Variants in APBB1IP observed in about 807,000 individuals in gnomAD.
APBB1IP encodes amyloid beta A4 precursor protein-binding family B member 1-interacting protein.
In APBB1IP, 27 loss-of-function variants were observed where a neutral mutation model predicts 64.9. The observed-to-expected ratio is 0.42, with a 90% CI of 0.31 to 0.57. The LOEUF (loss-of-function observed/expected upper bound fraction) is 0.57. Among genes scored for constraint, APBB1IP ranks in the 20% least tolerant of loss-of-function variants. The probability of loss-of-function intolerance (pLI) is 0.20; values close to 1 mark genes in which losing one functional copy is unlikely to be tolerated. For missense variants in APBB1IP, 812 were observed against 845.5 expected (o/e 0.96, Z 0.49); for synonymous variants, 392 against 331.0 (o/e 1.18, Z -2.00).
intron 8 of APBB1IP, among the ~76,000 whole-genome samples, chr10:26,525,231 G>A (rs1395382322): frequency 6.6e-6 from 1 of 151,952 alleles, no homozygotes; most frequent in African/African-American, 2.4e-5. Flanking sequence ...GCAGTGGGCC[G>A]TGATCATGCC....
chr10:26,566,993 C>A lies in APBB1IP; in HGVS notation c.1506C>A (p.Asp502Glu), dbSNP rs763639873. 3.2e-6 allele frequency: 5 copies of A among 1,580,828 alleles called. No individual in the cohort carries two copies. In the East Asian group the frequency reaches 1.2e-4, roughly 37 times the overall value. Residue 502 changes from aspartate to glutamate, a missense_variant, in exon 15 of 15, where the codon GAC (aspartate) becomes GAA (glutamate). By Grantham distance (45) the Asp-to-Glu change is conservative. Around this residue, in one of 3 missense-constraint regions of APBB1IP, gnomAD observed 381 missense variants for 352.1 expected, o/e 1.08. Transcript: ENST00000376236. ...DKKPALGNHH[D>E]PAVPRAPHAP... ...AGCCAGCCCTCGGGAACCACCACGACCCGGCAGTGCCCCGGGCCCCGCACG... is the reference window on the plus strand; with the variant it reads ...AGCCAGCCCTCGGGAACCACCACGAACCGGCAGTGCCCCGGGCCCCGCACG...
chr10:26,532,877 G>T (rs1836571826), intron 8 of APBB1IP, among the ~76,000 whole-genome samples: 1 of 152,188 alleles, frequency 6.6e-6, no homozygotes, highest in Non-Finnish European at 1.5e-5. Flanking sequence ...GTCCTTGGAA[G>T]TTGCTAAATA....
chr10:26,452,514 A>G (rs1029846383), intron 2 of APBB1IP, among the ~76,000 whole-genome samples: 2 of 152,240 alleles, frequency 1.3e-5, no homozygotes, highest in African/African-American at 4.8e-5. Context: ...TCAGAAGACA[A>G]TGTAGTTATC....
intron 8 of APBB1IP, among the ~76,000 whole-genome samples, chr10:26,524,955 C>CTTTCTTTTTTTTTTTTTTTTTCTTT (rs747655095): frequency 1.4e-5 from 1 of 73,972 alleles, no homozygotes; most frequent in Non-Finnish European, 2.6e-5. Context: ...TTCTTTCTTT[C>CTTTCTTTTTTTTTTTTTTTTTCTTT]TTTTTTTTTT....
rs78703287 is a variant in APBB1IP at position 26,472,337 on chromosome 10, G to A, written c.1-19990G>A. ...GCCTGGAGCCATGAAAGTGGCTTTG[G>A]AATAATGCCCAATAATAGAAAGGAA... On this transcript the variant is annotated intron_variant, in intron 2 of 14. Coordinates refer to ENST00000376236, the MANE Select transcript of APBB1IP (RefSeq NM_019043.4). 9.3e-3 allele frequency among the ~76,000 whole-genome samples: 1,423 copies of A among 152,252 alleles called. 9 individuals are homozygous for A. The highest frequency in any genetic ancestry group is 0.016 in the Non-Finnish European group (1,061 of 68,000).
intron 8 of APBB1IP, among the ~76,000 whole-genome samples, chr10:26,532,078 A>C (rs1836561840): frequency 6.6e-6 from 1 of 152,236 alleles, no homozygotes; most frequent in African/African-American, 2.4e-5. Flanking sequence ...GCATTGTATC[A>C]AGTTTCAAGG....
intron 8 of APBB1IP, among the ~76,000 whole-genome samples, chr10:26,525,619 A>C (rs1164971767): frequency 2.6e-5 from 4 of 152,204 alleles, no homozygotes; most frequent in Non-Finnish European, 5.9e-5. Context: ...AAAATCAGTG[A>C]CATTGCCTGT....
chr10:26,455,536 T>G (rs542015858), intron 2 of APBB1IP, among the ~76,000 whole-genome samples: 29 of 151,256 alleles, frequency 1.9e-4, no homozygotes, highest in East Asian at 1.7e-3. Flanking sequence ...AGAATAATAA[T>G]AATAAGAAGA....
intron 8 of APBB1IP, among the ~76,000 whole-genome samples, chr10:26,533,230 C>T (rs1457169927): frequency 6.6e-6 from 1 of 152,184 alleles, no homozygotes; most frequent in Non-Finnish European, 1.5e-5. Context: ...ATTGTGTACA[C>T]TATGGGAGGA....
intron 2 of APBB1IP, among the ~76,000 whole-genome samples, chr10:26,473,434 G>T (rs2132416606): frequency 6.6e-6 from 1 of 152,306 alleles, no homozygotes; most frequent in Non-Finnish European, 1.5e-5. Context: ...TCTCTAAATG[G>T]TATAATAACT....
chr10:26,463,458 G>A (rs1313567616), intron 2 of APBB1IP, among the ~76,000 whole-genome samples: 1 of 152,054 alleles, frequency 6.6e-6, no homozygotes, highest in Non-Finnish European at 1.5e-5. Context: ...TTAAAAAAAT[G>A]TAAAACTTCA....
rs772305627 is a variant in APBB1IP at position 26,536,177 on chromosome 10, G to A, written c.1004G>A (p.Arg335Gln). ...KSWKRRYFLL[R>Q]ASGIYYVPKG... Reference sequence around the variant, plus strand: ...TGGAAAAGGCGCTATTTTCTTTTACGGGCTTCTGGAATTTATTATGTACCC... The same window carrying A: ...TGGAAAAGGCGCTATTTTCTTTTACAGGCTTCTGGAATTTATTATGTACCC... The change falls in exon 10 of 15, where the codon CGG (arginine) becomes CAG (glutamine). Residue 335 changes from arginine (R) to glutamine (Q), a missense_variant. Arg to Gln is a conservative substitution (Grantham distance 43). Coordinates refer to ENST00000376236, the MANE Select transcript of APBB1IP (RefSeq NM_019043.4). 1.9e-6 allele frequency: 3 copies of A among 1,605,580 alleles called. No individual in the cohort carries two copies. Among genetic ancestry groups the A allele is most frequent in the South Asian group, 1.1e-5 (1 of 89,202 alleles).
chr10:26,519,322 G>C (rs563675734), intron 8 of APBB1IP, among the ~76,000 whole-genome samples: 1 of 152,226 alleles, frequency 6.6e-6, no homozygotes, highest in African/African-American at 2.4e-5. Context: ...GGTTTAATGG[G>C]CTCATGGTTC....
chr10:26,462,924 A>C (rs902717101), intron 2 of APBB1IP, among the ~76,000 whole-genome samples: 2 of 152,198 alleles, frequency 1.3e-5, no homozygotes, highest in African/African-American at 4.8e-5. Context: ...TTAGAATGAC[A>C]TAGAAGGTGG....
At chr10:26,503,531 A>T (rs897805155) in intron 6 of APBB1IP, among the ~76,000 whole-genome samples, 1 of 152,114 alleles carries the variant, frequency 6.6e-6, no homozygotes, top group Non-Finnish European at 1.5e-5. Context: ...GCTACTCGGG[A>T]GGCTGAGGAA....
chr10:26,489,243 T>C (rs1444540463), intron 2 of APBB1IP, among the ~76,000 whole-genome samples: 1 of 152,198 alleles, frequency 6.6e-6, no homozygotes, highest in East Asian at 1.9e-4. Context: ...TTTGTGTTTC[T>C]CAAGAGGGAG....
At chr10:26,472,305 G>A (rs939076704) in intron 2 of APBB1IP, among the ~76,000 whole-genome samples, 1 of 152,316 alleles carries the variant, frequency 6.6e-6, no homozygotes, top group South Asian at 2.1e-4. Flanking sequence ...GCATCCACAG[G>A]AAAGAGGCCT....
chr10:26,440,416 C>T (rs7919155), intron 2 of APBB1IP, among the ~76,000 whole-genome samples: 58,866 of 151,778 alleles, frequency 0.39, 11,587 homozygotes, highest in South Asian at 0.49. Context: ...ATAATCATAA[C>T]CATAACAGAT....
chr10:26,507,293 A>T (rs1463355936), intron 6 of APBB1IP, among the ~76,000 whole-genome samples: 1 of 152,126 alleles, frequency 6.6e-6, no homozygotes, highest in East Asian at 1.9e-4. Flanking sequence ...AGGAGTTAAG[A>T]CCAGCCTGGG....
Sources: gnomAD v4.1 joint callset for allele counts (sites outside exome capture counted in the v4.1 genomes callset) on GRCh38, gnomAD v4.1.1 for gene constraint, gnomAD v4.1.1 regional missense constraint, MANE v1.5 for transcripts, NCBI Gene and HGNC (gene_info 2026-07-23, HGNC 2026-07-21) for gene names.